The following PIBF1 variants were observed in gnomAD, a reference collection of about 807,000 sequenced individuals.
PIBF1 encodes the protein progesterone immunomodulatory binding factor 1.
A neutral mutation model predicts 112.5 loss-of-function variants in PIBF1; 90 were observed. The observed-to-expected ratio is 0.80, with a 90% CI of 0.67 to 0.95. The LOEUF (loss-of-function observed/expected upper bound fraction) is 0.95. Ranked by LOEUF, PIBF1 falls within the 40% of genes least tolerant of loss-of-function variation. The pLI, the probability that PIBF1 is intolerant of heterozygous loss-of-function variation, is 0.00. For synonymous variants in PIBF1, 301 were observed against 288.6 expected, an observed-to-expected ratio of 1.04 and a Z score of -0.44; for missense variants, 915 against 852.3, an observed-to-expected ratio of 1.07 and a Z score of -0.92.
At chr13:72,904,243 T>C (rs7986725) in intron 11 of PIBF1, among the ~76,000 whole-genome samples, 17,502 of 151,596 alleles carry the variant, frequency 0.12, 2,928 homozygotes, top group African/African-American at 0.37. Flanking sequence ...GAAACTACAA[T>C]GCAAAGAAAC....
At chr13:72,990,520 C>CAAGATCGGAAGAGCG (rs1204552369) in intron 16 of PIBF1, among the ~76,000 whole-genome samples, 1 of 135,806 alleles carries the variant, frequency 7.4e-6, no homozygotes. Context: ...GACTCCATCT[C>CAAGATCGGAAGAGCG]TCCATCTCAA....
rs956838116 is a variant in PIBF1, at chr13:72,812,559, C to A, written c.673-9290C>A. Reference sequence around the variant, plus strand: ...CCACCCTGGCCAACCTGGTGAAACCCTGTCTCTACCAAAAATACAAAAACT... The same window carrying A: ...CCACCCTGGCCAACCTGGTGAAACCATGTCTCTACCAAAAATACAAAAACT... On this transcript the variant is annotated intron_variant, in intron 5 of 17. Transcript: ENST00000326291. Among the ~76,000 whole-genome samples, 5 of 151,968 alleles carry A rather than the reference C, an allele frequency of 3.3e-5. No homozygotes were observed. In the East Asian group the frequency reaches 9.7e-4, roughly 29 times the overall value.
chr13:72,849,575 A>G (rs917317699), intron 9 of PIBF1, among the ~76,000 whole-genome samples: 1 of 152,230 alleles, frequency 6.6e-6, no homozygotes, highest in African/African-American at 2.4e-5. Flanking sequence ...AGCATGTTAT[A>G]TACTGTGGGC....
intron 5 of PIBF1, among the ~76,000 whole-genome samples, chr13:72,801,335 A>G (rs2035462137): frequency 6.6e-6 from 1 of 151,966 alleles, no homozygotes; most frequent in South Asian, 2.1e-4. Flanking sequence ...GGTTTGTGAC[A>G]CTCGCAGATG....
chr13:72,872,088 G>A (rs1409579053), intron 10 of PIBF1, among the ~76,000 whole-genome samples: 1 of 152,158 alleles, frequency 6.6e-6, no homozygotes, highest in Non-Finnish European at 1.5e-5. Context: ...CTTCAGGGAA[G>A]TTACTTAACC....
chr13:72,873,603 T>C (rs535468297), intron 10 of PIBF1, among the ~76,000 whole-genome samples: 3 of 152,128 alleles, frequency 2.0e-5, no homozygotes, highest in South Asian at 4.1e-4. Flanking sequence ...GGTTTCACCA[T>C]GTTGGTCAGG....
At position 72,782,189 on chromosome 13, in the gene PIBF1, G is replaced by C. The variant is rs1487627329; in HGVS notation, c.-208G>C. The C allele has an allele frequency of 8.4e-6, 2 of 238,352 alleles. No individual in the cohort carries two copies. The highest frequency in any genetic ancestry group is 1.6e-5 in the Non-Finnish European group (2 of 122,656). 14.8% of individuals were successfully genotyped at this position (238,352 alleles called of 1,614,324 possible). A position where few individuals can be genotyped will look rare whatever the true frequency, so the allele number is the denominator to read the frequency against. ...TGGTTCTGTCCTCCTTGCGGGTGCG[G>C]AGATGGTTGTCTTGGTTACGGGTCC... On this transcript the variant is annotated 5_prime_UTR_variant, in exon 1 of 18. Transcript: ENST00000326291.
At chr13:72,972,721 C>A (rs1369774108) in intron 15 of PIBF1, among the ~76,000 whole-genome samples, 1 of 152,016 alleles carries the variant, frequency 6.6e-6, no homozygotes, top group Non-Finnish European at 1.5e-5. Context: ...TTTACCCTCA[C>A]AAATTTTGTC....
At chr13:72,790,999 C>T (rs972384768) in intron 2 of PIBF1, among the ~76,000 whole-genome samples, 5 of 152,052 alleles carry the variant, frequency 3.3e-5, no homozygotes, top group South Asian at 2.1e-4. Flanking sequence ...GAGGGATTTA[C>T]TTGCATATGT....
chr13:72,907,390 AGT>A (rs1239375676), intron 11 of PIBF1, among the ~76,000 whole-genome samples: 1 of 152,124 alleles, frequency 6.6e-6, no homozygotes, highest in African/African-American at 2.4e-5. Context: ...TGTCTTTAAA[AGT>A]GTTTAATTGT....
At chr13:72,821,807 A>G (rs1351802341) in intron 5 of PIBF1, 42 bp from the exon 6 acceptor site, 9 of 1,512,154 alleles carry the variant, frequency 6.0e-6, no homozygotes, top group Non-Finnish European at 8.1e-6. Context: ...AACTATGTTA[A>G]GTGTTTAGTC....
intron 13 of PIBF1, among the ~76,000 whole-genome samples, chr13:72,927,996 C>CATAT (rs1168458934): frequency 9.2e-5 from 7 of 76,120 alleles, no homozygotes; most frequent in East Asian, 1.4e-3. Flanking sequence ...TATACACACA[C>CATAT]ATATATATAC....
chr13:72,903,671 A>G (rs1384066496), intron 11 of PIBF1, among the ~76,000 whole-genome samples: 1 of 152,194 alleles, frequency 6.6e-6, no homozygotes, highest in Non-Finnish European at 1.5e-5. Context: ...TGCTCTAGAC[A>G]ATTAACCAGA....
intron 16 of PIBF1, among the ~76,000 whole-genome samples, chr13:72,989,883 TTG>T (rs1164382816): frequency 1.3e-5 from 2 of 152,134 alleles, no homozygotes; most frequent in African/African-American, 4.8e-5. Context: ...CCCTCCATTT[TTG>T]TGTCATTGAA....
At chr13:72,932,488 A>C (rs997593059) in intron 14 of PIBF1, among the ~76,000 whole-genome samples, 2 of 152,200 alleles carry the variant, frequency 1.3e-5, no homozygotes, top group African/African-American at 4.8e-5. Context: ...TGGGGTTGAC[A>C]CAGTGGTGTG....
rs901327938 is a variant in PIBF1 at position 72,860,906 on chromosome 13, C to T, written c.1322+6751C>T. On this transcript the variant is annotated intron_variant, in intron 10 of 17. Transcript: ENST00000326291. ...AATACCCAGTTTTCATGAACATGAA[C>T]AGTTATTATGTCGTATTCTGTTGCT... Among the ~76,000 whole-genome samples, 31 of 152,174 alleles carry T rather than the reference C, an allele frequency of 2.0e-4. 1 individual carries two copies. The highest frequency in any genetic ancestry group is 5.9e-5 in the Non-Finnish European group (4 of 68,026).
At chr13:72,840,524 C>CTT (rs575826319) in intron 9 of PIBF1, among the ~76,000 whole-genome samples, 27 of 136,148 alleles carry the variant, frequency 2.0e-4, no homozygotes, top group African/African-American at 3.0e-4. Flanking sequence ...CCCCAATAAA[C>CTT]TTTTTTTTTT....
intron 10 of PIBF1, 103 bp downstream of exon 10, chr13:72,854,258 A>G (rs1332343723): frequency 5.7e-6 from 4 of 704,402 alleles, no homozygotes; most frequent in South Asian, 5.5e-5. Context: ...TTTCATTTCA[A>G]TTGAGGAGAG....
chr13:72,871,315 C>G (rs2039155447), intron 10 of PIBF1, among the ~76,000 whole-genome samples: 2 of 152,066 alleles, frequency 1.3e-5, no homozygotes. Context: ...CTCTTTCTCT[C>G]TCTCTTTTGA....
Sources: gnomAD v4.1 joint callset for allele counts (sites outside exome capture counted in the v4.1 genomes callset) on GRCh38, gnomAD v4.1.1 for gene constraint, MANE v1.5 for transcripts, NCBI Gene and HGNC (gene_info 2026-07-23, HGNC 2026-07-21) for gene names.